The following ANKRD17 variants were observed in gnomAD, a reference collection of about 807,000 sequenced individuals.
ANKRD17 encodes the protein ankyrin repeat domain 17.
A neutral mutation model predicts 229.7 loss-of-function variants in ANKRD17; 19 were observed. The ratio of observed to expected loss-of-function variants is 0.08; its 90% CI spans 0.06 to 0.12. The LOEUF is 0.12. Ranked by LOEUF, ANKRD17 falls within the 10% of genes least tolerant of loss-of-function variation. The pLI, the probability that ANKRD17 is intolerant of heterozygous loss-of-function variation, is 1.00. For synonymous variants in ANKRD17, 1,112 were observed against 1,146.1 expected, an observed-to-expected ratio of 0.97 and a Z score of 0.60; for missense variants, 2,176 against 3,176.8, an observed-to-expected ratio of 0.68 and a Z score of 7.57.
intron 1 of ANKRD17, among the ~76,000 whole-genome samples, chr4:73,252,000 C>T (rs1201639220): frequency 6.6e-6 from 1 of 152,202 alleles, no homozygotes; most frequent in East Asian, 1.9e-4. Flanking sequence ...ATTAAAACAT[C>T]CCACAGGGAT....
rs762070858 is a variant in ANKRD17 at position 73,139,722 on chromosome 4, G to A, written c.2894C>T (p.Ala965Val). Residue 965 changes from alanine to valine, a missense_variant, in exon 15 of 34, where the codon GCG becomes GTG. By Grantham distance (64) the Ala-to-Val change is moderately conservative. Around this residue, in one of 18 missense-constraint regions of ANKRD17, gnomAD observed 230 missense variants for 252.3 expected, o/e 0.91. Transcript: ENST00000358602. ...PLAMPQALPL[A>V]AGPLPPGSIA... ...GGACCCTGGAGGCAAGGGACCTGCC[G>A]CCAGAGGCAAAGCTTGAGGCATCGC... 1.6e-5 allele frequency: 26 copies of A among 1,614,036 alleles called. No homozygotes were observed. The highest frequency in any genetic ancestry group is 8.9e-5 in the East Asian group (4 of 44,878).
At chr4:73,208,958 T>C (rs1366198738) in intron 1 of ANKRD17, among the ~76,000 whole-genome samples, 6 of 152,040 alleles carry the variant, frequency 3.9e-5, no homozygotes, top group Non-Finnish European at 2.9e-5. Context: ...ATGCCTGCAA[T>C]CCCAGCACTT....
intron 1 of ANKRD17, among the ~76,000 whole-genome samples, chr4:73,241,342 C>A (rs373495368): frequency 9.2e-5 from 14 of 152,024 alleles, no homozygotes; most frequent in African/African-American, 2.9e-4. Context: ...GCACACTAGC[C>A]AAGAGATGGA....
intron 1 of ANKRD17, among the ~76,000 whole-genome samples, chr4:73,197,429 A>T (rs1345589611): frequency 6.6e-6 from 1 of 152,218 alleles, no homozygotes; most frequent in East Asian, 1.9e-4. Flanking sequence ...GCAACTCTGT[A>T]GTCAGAACTC....
At chr4:73,247,557 AAC>A (rs137903467) in intron 1 of ANKRD17, among the ~76,000 whole-genome samples, 5 of 151,486 alleles carry the variant, frequency 3.3e-5, no homozygotes, top group African/African-American at 7.2e-5. Flanking sequence ...AACATACTCT[AAC>A]ACACACACAC....
chr4:73,139,122 C>A (rs1046471611), intron 15 of ANKRD17, among the ~76,000 whole-genome samples: 8 of 152,020 alleles, frequency 5.3e-5, no homozygotes, highest in Non-Finnish European at 1.0e-4. Flanking sequence ...CATAAATAAG[C>A]TTCCTGATGT....
chr4:73,106,192 C>T (rs749133476), intron 24 of ANKRD17, among the ~76,000 whole-genome samples: 46 of 151,892 alleles, frequency 3.0e-4, no homozygotes, highest in South Asian at 1.2e-3. Context: ...TGCAGTGAGC[C>T]GAGATCGCGC....
intron 8 of ANKRD17, among the ~76,000 whole-genome samples, chr4:73,148,105 A>G (rs1730528607): frequency 6.6e-6 from 1 of 152,212 alleles, no homozygotes; most frequent in Non-Finnish European, 1.5e-5. Context: ...TGGAGTTATG[A>G]TTCAACCTAA....
chr4:73,244,076 C>G (rs1443365533), intron 1 of ANKRD17, among the ~76,000 whole-genome samples: 1 of 152,008 alleles, frequency 6.6e-6, no homozygotes, highest in Non-Finnish European at 1.5e-5. Context: ...CCCCACATGG[C>G]CTTTTCTCTG....
At chr4:73,150,543 TA>T (rs914219026) in intron 7 of ANKRD17, among the ~76,000 whole-genome samples, 5 of 151,294 alleles carry the variant, frequency 3.3e-5, no homozygotes, top group Non-Finnish European at 1.5e-5. Flanking sequence ...TTTTATTTGT[TA>T]AAAAAAAATA....
At chr4:73,217,515 A>C (rs950404380) in intron 1 of ANKRD17, among the ~76,000 whole-genome samples, 5 of 151,830 alleles carry the variant, frequency 3.3e-5, no homozygotes, top group African/African-American at 1.2e-4. Flanking sequence ...AAAATCCAAA[A>C]CTTTTTTTTT....
At position 73,258,357 on chromosome 4, in the gene ANKRD17, G is replaced by GCCTCCA; in HGVS notation, c.306_311dup (p.Gly109_Gly110dup). On this transcript the variant is annotated inframe_insertion, in exon 1 of 34. Transcript: ENST00000358602. The stretch of plus-strand genomic sequence containing the variant: ...TGCTGGTGCCGCCGCCGCCACCTCC[G>GCCTCCA]CCTCCACCGCCGCCTCCACCGCCGC... 6.4e-7 allele frequency: 1 copy of GCCTCCA among 1,565,212 alleles called. No homozygotes were observed. The highest frequency in any genetic ancestry group is 8.7e-7 in the Non-Finnish European group (1 of 1,149,184).
chr4:73,100,937 T>A lies in ANKRD17; in HGVS notation c.4573+1439A>T, dbSNP rs942785566. 4 of 985,358 alleles carry A rather than the reference T, an allele frequency of 4.1e-6. No individual in the cohort carries two copies. The South Asian group carries it at 1.9e-4, about 46-fold the overall frequency. The allele number at this position is 985,358 out of a possible 1,614,324, so 61.0% of individuals were successfully genotyped here. ...ACAGTCAGTCCTCTTTATCCATAGA[T>A]TTAACCAACACTAGATTGAAAGTAT... On this transcript the variant is annotated intron_variant, in intron 25 of 33. Transcript: ENST00000358602.
In ANKRD17 at chr4:73,179,512, A is replaced by T. The variant is rs1179205525; in HGVS notation, c.394-1979T>A. On this transcript the variant is annotated intron_variant, in intron 1 of 33. Coordinates refer to ENST00000358602, the MANE Select transcript of ANKRD17 (RefSeq NM_032217.5). Reference sequence around the variant, plus strand: ...TGTATATATATATATATATATATATATATATATTTTTTTTTTTTTTTTTAA... The same window carrying T: ...TGTATATATATATATATATATATATTTATATATTTTTTTTTTTTTTTTTAA... 1.8e-4 allele frequency among the ~76,000 whole-genome samples: 13 copies of T among 70,556 alleles called. No individual in the cohort carries two copies. In the South Asian group the frequency reaches 2.5e-3, roughly 14 times the overall value. The allele number at this position is 70,556 out of a possible 152,430, so 46.3% of individuals were successfully genotyped here.
At chr4:73,146,921 G>T in intron 9 of ANKRD17, 48 bp from the exon 10 acceptor site, 2 of 1,446,428 alleles carry the variant, frequency 1.4e-6, no homozygotes, top group South Asian at 1.3e-5. Flanking sequence ...GGAGCCATAA[G>T]ACATATATGA....
intron 21 of ANKRD17, 85 bp from the exon 22 acceptor site, chr4:73,118,935 G>A (rs1295226800): frequency 2.2e-6 from 3 of 1,375,002 alleles, no homozygotes; most frequent in Non-Finnish European, 2.9e-6. Flanking sequence ...CACACAGGCT[G>A]GAGTGCAGTG....
intron 30 of ANKRD17, among the ~76,000 whole-genome samples, chr4:73,084,673 T>G (rs1389426252): frequency 6.6e-6 from 1 of 152,134 alleles, no homozygotes; most frequent in Admixed American, 6.6e-5. Context: ...GGTCTTGAAC[T>G]CCTGACCTCA....
Position 73,121,892 on chromosome 4 carries a change from A to C in ANKRD17, c.3493-133T>G. On this transcript the variant is annotated intron_variant, in intron 18 of 33. Transcript: ENST00000358602. ...AAGTTCTTCCTTCATGCTCTGCATA[A>C]AATCAGCCTCTAATGATAGCAGGAG... 1.0e-5 allele frequency: 9 copies of C among 861,582 alleles called. No homozygotes were observed. In the South Asian group the frequency reaches 1.9e-4, roughly 18 times the overall value. The allele number at this position is 861,582 out of a possible 1,614,324, so 53.4% of individuals were successfully genotyped here. A position where few individuals can be genotyped will look rare whatever the true frequency, so the allele number is the denominator to read the frequency against.
In ANKRD17 at chr4:73,091,775, A is replaced by G; in HGVS notation, c.5853T>C (p.Asn1951=). 1 of 1,614,140 alleles carries G rather than the reference A, an allele frequency of 6.2e-7. No homozygotes were observed. Among genetic ancestry groups the G allele is most frequent in the Non-Finnish European group, 8.5e-7 (1 of 1,180,040 alleles). Residue 1951 remains asparagine (N), a synonymous_variant, in exon 29 of 34, where the codon AAT becomes AAC. Coordinates refer to ENST00000358602, the MANE Select transcript of ANKRD17 (RefSeq NM_032217.5). Reference sequence around the variant, plus strand: ...TCACCTGAGAACCACTGCTATTCTGATTGCTATGGCGAGGCACCATGTGAG... The same window carrying G: ...TCACCTGAGAACCACTGCTATTCTGGTTGCTATGGCGAGGCACCATGTGAG... ...PKPHMVPRHS[N]QNSSGSQVNS...
Sources: allele counts gnomAD v4.1 joint callset (sites outside exome capture counted in the v4.1 genomes callset), GRCh38; gene constraint gnomAD v4.1.1; regional missense constraint gnomAD v4.1.1; transcripts MANE v1.5; gene names NCBI Gene and HGNC (gene_info 2026-07-23, HGNC 2026-07-21).